The following ATP2B2 variants were observed in gnomAD, a reference collection of about 807,000 sequenced individuals.
ATP2B2 encodes the protein plasma membrane calcium-transporting ATPase 2.
A neutral mutation model predicts 120.0 loss-of-function variants in ATP2B2; 15 were observed. The ratio of observed to expected loss-of-function variants is 0.12; its 90% confidence interval spans 0.08 to 0.19. The LOEUF is 0.19. Among genes scored for constraint, ATP2B2 ranks in the 10% least tolerant of loss-of-function variants. The probability of loss-of-function intolerance (pLI) is 1.00; values close to 1 mark genes in which losing one functional copy is unlikely to be tolerated. For missense variants in ATP2B2, 1,045 were observed against 1,719.8 expected (o/e 0.61, Z 6.94); for synonymous variants, 694 against 700.3 (o/e 0.99, Z 0.14).
rs911717639 is a variant in ATP2B2, at chr3:10,356,155, CGTGTGT to C, written c.2136+2530_2136+2535del. Reference sequence around the variant, plus strand: ...TTGTCCTTTCCTTTGTGCGTGTGTGCGTGTGTGTGTGTGTGTGTGTGTGTGTGTGTG... The same window carrying C: ...TTGTCCTTTCCTTTGTGCGTGTGTGCGTGTGTGTGTGTGTGTGTGTGTGTG... On this transcript the variant is annotated intron_variant, in intron 14 of 22. Transcript: ENST00000360273. 8.7e-4 allele frequency among the ~76,000 whole-genome samples: 23 copies of C among 26,528 alleles called. 4 individuals carry two copies. The highest frequency in any genetic ancestry group is 3.2e-3 in the Admixed American group (5 of 1,552). The allele number at this position is 26,528 out of a possible 152,430, so 17.4% of individuals were successfully genotyped here.
At chr3:10,419,671 G>T (rs893119221) in intron 2 of ATP2B2, among the ~76,000 whole-genome samples, 42 of 152,342 alleles carry the variant, frequency 2.8e-4, no homozygotes, top group African/African-American at 9.9e-4. Flanking sequence ...GTGCTTTGTA[G>T]ATGGTAAAGT....
chr3:10,463,393 G>A (rs939903481), intron 1 of ATP2B2, among the ~76,000 whole-genome samples: 1 of 152,200 alleles, frequency 6.6e-6, no homozygotes, highest in African/African-American at 2.4e-5. Flanking sequence ...TTTCAAAGCA[G>A]AAACTGGCCA....
chr3:10,430,231 T>G (rs1412579546), intron 2 of ATP2B2, among the ~76,000 whole-genome samples: 1 of 152,242 alleles, frequency 6.6e-6, no homozygotes, highest in Non-Finnish European at 1.5e-5. Context: ...AGGAGTCATT[T>G]AAACTTTCAA....
At chr3:10,410,100 T>C (rs2062556409) in intron 3 of ATP2B2, among the ~76,000 whole-genome samples, 1 of 152,224 alleles carries the variant, frequency 6.6e-6, no homozygotes, top group South Asian at 2.1e-4. Flanking sequence ...GCTGGTGACC[T>C]CGAGCAGATT....
chr3:10,338,930 T>G (rs1453579215), intron 21 of ATP2B2: 1 of 160,146 alleles, frequency 6.2e-6, no homozygotes, highest in East Asian at 1.8e-4. Context: ...GAAGGCAGAA[T>G]GGGAAAGAGC....
chr3:10,534,371 G>A (rs1035504178), intron 2 of ATP2B2, among the ~76,000 whole-genome samples: 2 of 152,210 alleles, frequency 1.3e-5, no homozygotes, highest in African/African-American at 4.8e-5. Context: ...TGCTGGCAGG[G>A]GTCTCTCTGT....
intron 6 of ATP2B2, among the ~76,000 whole-genome samples, chr3:10,387,495 A>T (rs1338191422): frequency 2.6e-5 from 4 of 152,196 alleles, no homozygotes; most frequent in Non-Finnish European, 5.9e-5. Context: ...GAGACAAAAG[A>T]CTGAAAATGT....
At chr3:10,348,477 G>A (rs1450362373) in intron 16 of ATP2B2, among the ~76,000 whole-genome samples, 1 of 152,222 alleles carries the variant, frequency 6.6e-6, no homozygotes, top group Non-Finnish European at 1.5e-5. Flanking sequence ...CTCGTGGTGG[G>A]CATTGGCGGC....
In ATP2B2 at chr3:10,340,783, G is replaced by T. The variant is rs1340947262; in HGVS notation, c.2918-79C>A. Reference sequence around the variant, plus strand: ...GGGAGATGCCTGGCCTTTCGTGGGGGCCTCTTCTGAGCAGTGACGTGAATC... The same window carrying T: ...GGGAGATGCCTGGCCTTTCGTGGGGTCCTCTTCTGAGCAGTGACGTGAATC... On this transcript the variant is annotated intron_variant, in intron 19 of 22. Coordinates refer to ENST00000360273, the MANE Select transcript of ATP2B2 (RefSeq NM_001001331.4). This position sits in a 1 kb window ranked among gnomAD's most constrained non-coding sequence, Gnocchi z 5.0. 1.4e-6 allele frequency: 2 copies of T among 1,429,916 alleles called. No individual in the cohort carries two copies. The highest frequency in any genetic ancestry group is 2.0e-6 in the Non-Finnish European group (2 of 1,018,974). The allele number at this position is 1,429,916 out of a possible 1,614,324, so 88.6% of individuals were successfully genotyped here.
intron 3 of ATP2B2, among the ~76,000 whole-genome samples, chr3:10,403,003 T>C (rs1176443812): frequency 1.3e-5 from 2 of 152,078 alleles, no homozygotes; most frequent in Non-Finnish European, 2.9e-5. Context: ...AGTTTGCCGC[T>C]GTCCTCTTCT....
rs58583936 is a variant in ATP2B2, at chr3:10,471,364, CTG to C, written c.-319-21504_-319-21503del. Among the ~76,000 whole-genome samples the C allele has an allele frequency of 3.2e-3, 477 of 150,448 alleles. 1 individual carries two copies. The highest frequency in any genetic ancestry group is 8.5e-3 in the South Asian group (40 of 4,724). On this transcript the variant is annotated intron_variant, in intron 1 of 22. Transcript: ENST00000360273. Reference sequence around the variant, plus strand: ...TGGTTTTAAAAGGGGTTCAGGAAACCTGTGTGTGTGTGTGTGTGTGTGTGTGT... The same window carrying C: ...TGGTTTTAAAAGGGGTTCAGGAAACCTGTGTGTGTGTGTGTGTGTGTGTGT...
chr3:10,676,519 C>T (rs1309006779), intron 1 of ATP2B2, among the ~76,000 whole-genome samples: 1 of 150,564 alleles, frequency 6.6e-6, no homozygotes, highest in Non-Finnish European at 1.5e-5. Context: ...GGAGGAGGGA[C>T]AGAACCACAC....
intron 8 of ATP2B2, among the ~76,000 whole-genome samples, chr3:10,382,086 C>G (rs1005646215): frequency 1.1e-4 from 17 of 152,042 alleles, no homozygotes; most frequent in Non-Finnish European, 1.9e-4. Context: ...AGTGCAGTGG[C>G]GTGATCTTGG....
intron 2 of ATP2B2, among the ~76,000 whole-genome samples, chr3:10,554,778 T>C (rs2067743892): frequency 6.6e-6 from 1 of 152,358 alleles, no homozygotes; most frequent in African/African-American, 2.4e-5. Context: ...AGATCACATT[T>C]AGCTTTTTGG....
chr3:10,335,522 C>T (rs1038639400), intron 22 of ATP2B2, among the ~76,000 whole-genome samples: 22 of 152,218 alleles, frequency 1.4e-4, no homozygotes, highest in Admixed American at 1.3e-4. Context: ...CTTGGCTCAA[C>T]TGTCCCCCTT....
intron 1 of ATP2B2, among the ~76,000 whole-genome samples, chr3:10,633,121 C>A (rs1218903171): frequency 6.6e-6 from 1 of 152,248 alleles, no homozygotes; most frequent in Non-Finnish European, 1.5e-5. Flanking sequence ...GGAATCCTTG[C>A]TCTTCCACCT....
chr3:10,655,734 T>C (rs760973384), intron 1 of ATP2B2, among the ~76,000 whole-genome samples: 3 of 152,238 alleles, frequency 2.0e-5, no homozygotes, highest in Non-Finnish European at 4.4e-5. Flanking sequence ...TCTTTCTCTC[T>C]ATTTCTTCCT....
chr3:10,472,664 A>G (rs2065061182), intron 1 of ATP2B2, among the ~76,000 whole-genome samples: 1 of 152,144 alleles, frequency 6.6e-6, no homozygotes, highest in Non-Finnish European at 1.5e-5. Flanking sequence ...ATTCTCCCAG[A>G]ATTAATTCTC....
At chr3:10,686,851 A>G (rs953500045) in intron 1 of ATP2B2, among the ~76,000 whole-genome samples, 1 of 152,202 alleles carries the variant, frequency 6.6e-6, no homozygotes, top group Non-Finnish European at 1.5e-5. Flanking sequence ...GATTCCTGAA[A>G]GCCACTAAGC....
Sources: allele counts gnomAD v4.1 joint callset (sites outside exome capture counted in the v4.1 genomes callset), GRCh38; gene constraint gnomAD v4.1.1; non-coding constraint Gnocchi (gnomAD v3.1); transcripts MANE v1.5; gene names NCBI Gene and HGNC (gene_info 2026-07-23, HGNC 2026-07-21).